Variants in CASQ2 observed in about 807,000 individuals in gnomAD.
CASQ2 encodes the protein calsequestrin-2.
Under a neutral mutation model 46.5 loss-of-function variants are expected in CASQ2, and 49 were observed. The observed-to-expected ratio is 1.05, with a 90% CI of 0.84 to 1.34. The LOEUF is 1.34. Ranked by LOEUF, CASQ2 falls within the 40% of genes most tolerant of loss-of-function variation. The pLI is 0.00. For synonymous variants in CASQ2, 174 were observed against 168.5 expected (o/e 1.03, Z -0.25); for missense variants, 486 against 481.3 (o/e 1.01, Z -0.09).
chr1:115,729,687 TC>T (rs1234572441), intron 5 of CASQ2, among the ~76,000 whole-genome samples: 8 of 152,242 alleles, frequency 5.3e-5, no homozygotes, highest in African/African-American at 1.7e-4. Flanking sequence ...AAATCATTTT[TC>T]CTCCAGTTAG....
chr1:115,720,058 A>G (rs1647314802), intron 7 of CASQ2, among the ~76,000 whole-genome samples: 1 of 152,186 alleles, frequency 6.6e-6, no homozygotes, highest in African/African-American at 2.4e-5. Context: ...ATGCTTGAAG[A>G]ATCAAAGTGT....
intron 7 of CASQ2, among the ~76,000 whole-genome samples, chr1:115,724,077 C>A (rs1402392973): frequency 6.6e-6 from 1 of 152,140 alleles, no homozygotes; most frequent in Admixed American, 6.6e-5. Flanking sequence ...TAAATACTTC[C>A]GTGTTAATTC....
At chr1:115,714,218 G>T (rs1654632409) in intron 8 of CASQ2, among the ~76,000 whole-genome samples, 1 of 152,110 alleles carries the variant, frequency 6.6e-6, no homozygotes, top group Non-Finnish European at 1.5e-5. Flanking sequence ...TTCCTCATGG[G>T]GTTCTTGTGT....
At chr1:115,759,788 C>CCAT (rs1648878233) in intron 1 of CASQ2, among the ~76,000 whole-genome samples, 1 of 152,222 alleles carries the variant, frequency 6.6e-6, no homozygotes, top group South Asian at 2.1e-4. Flanking sequence ...TATCCCACTT[C>CCAT]CATCTACCTT....
chr1:115,746,704 G>GT (rs904125624), intron 1 of CASQ2, among the ~76,000 whole-genome samples: 4 of 151,974 alleles, frequency 2.6e-5, no homozygotes, highest in African/African-American at 7.3e-5. Flanking sequence ...AATTTTGAGA[G>GT]TTTTTTTAAA....
chr1:115,766,908 T>C (rs982227037), intron 1 of CASQ2, among the ~76,000 whole-genome samples: 8 of 140,852 alleles, frequency 5.7e-5, no homozygotes, highest in African/African-American at 2.0e-4. Context: ...GATAGATAGA[T>C]AGATAGATAG....
At position 115,712,853 on chromosome 1, in the gene CASQ2, CAA is replaced by C. The variant is rs1349796492; in HGVS notation, c.838+4985_838+4986del. Among the ~76,000 whole-genome samples, 585 of 117,816 alleles carry C rather than the reference CAA, an allele frequency of 5.0e-3. 4 individuals carry two copies. The highest frequency in any genetic ancestry group is 0.018 in the African/African-American group (552 of 31,034). 77.3% of individuals were successfully genotyped at this position (117,816 alleles called of 152,430 possible). On this transcript the variant is annotated intron_variant, in intron 8 of 10. Transcript: ENST00000261448. Reference sequence around the variant, plus strand: ...CCTGAGCAATAGAGGGAGACTGCCTCAAAAAAAAAAAAAAAGAAAGAAAGAAA... The same window carrying C: ...CCTGAGCAATAGAGGGAGACTGCCTCAAAAAAAAAAAAAGAAAGAAAGAAA...
chr1:115,714,251 A>G (rs17561547), intron 8 of CASQ2, among the ~76,000 whole-genome samples: 8,672 of 152,258 alleles, frequency 0.057, 317 homozygotes, highest in Middle Eastern at 0.1. Flanking sequence ...ACAGTAAGTG[A>G]CAATCATCAT....
At chr1:115,735,231 A>G (rs969559115) in intron 4 of CASQ2, among the ~76,000 whole-genome samples, 2 of 152,244 alleles carry the variant, frequency 1.3e-5, no homozygotes, top group Admixed American at 1.3e-4. Context: ...TGACTCCAAT[A>G]ACATTCAAAC....
At chr1:115,738,120 A>C in intron 4 of CASQ2, 104 bp downstream of exon 4, 1 of 786,416 alleles carries the variant, frequency 1.3e-6, no homozygotes. Flanking sequence ...TATTCTACCC[A>C]GCAAAAGAGG....
intron 4 of CASQ2, among the ~76,000 whole-genome samples, chr1:115,733,391 C>T (rs1212015960): frequency 6.6e-6 from 1 of 152,188 alleles, no homozygotes; most frequent in African/African-American, 2.4e-5. Flanking sequence ...GAAGGAAATT[C>T]GTCTCACAGT....
intron 8 of CASQ2, among the ~76,000 whole-genome samples, chr1:115,708,257 A>C (rs955851071): frequency 3.3e-5 from 5 of 152,200 alleles, no homozygotes; most frequent in African/African-American, 1.2e-4. Context: ...GTCTATGGAG[A>C]AGCAAAGAAA....
chr1:115,757,327 A>G (rs2101116375), intron 1 of CASQ2, among the ~76,000 whole-genome samples: 1 of 152,318 alleles, frequency 6.6e-6, no homozygotes, highest in South Asian at 2.1e-4. Flanking sequence ...CTGCGATTTA[A>G]AAGTGAGCAC....
In CASQ2 at chr1:115,715,860, C is replaced by T. The variant is rs530433186; in HGVS notation, c.838+1980G>A. Among the ~76,000 whole-genome samples the T allele has an allele frequency of 1.3e-4, 20 of 152,206 alleles. 2 individuals carry two copies. The South Asian group carries it at 3.9e-3, about 30-fold the overall frequency. ...GTCATCTAACTCTCTAATCATCTGC[C>T]AGACAAATATTTATTGGGCGCCTAC... On this transcript the variant is annotated intron_variant, in intron 8 of 10. Transcript: ENST00000261448.
chr1:115,729,174 C>G (rs1049573141), intron 5 of CASQ2, among the ~76,000 whole-genome samples: 7 of 151,440 alleles, frequency 4.6e-5, no homozygotes, highest in Non-Finnish European at 8.8e-5. Flanking sequence ...CTCAGCCTCC[C>G]GAGTAGCTGG....
At chr1:115,744,935 G>A (rs1316316496) in intron 1 of CASQ2, 23 bp from the exon 2 acceptor site, 5 of 1,539,160 alleles carry the variant, frequency 3.2e-6, no homozygotes, top group Non-Finnish European at 4.5e-6. Context: ...ATGGAAAGAT[G>A]AGTGTGCTAA....
At chr1:115,767,473 C>T (rs1378371450) in intron 1 of CASQ2, among the ~76,000 whole-genome samples, 1 of 152,196 alleles carries the variant, frequency 6.6e-6, no homozygotes, top group African/African-American at 2.4e-5. Flanking sequence ...TCAAATATCC[C>T]TTTCACAGGT....
chr1:115,706,103 T>C (rs1654350350), intron 8 of CASQ2, among the ~76,000 whole-genome samples: 1 of 152,116 alleles, frequency 6.6e-6, no homozygotes, highest in Non-Finnish European at 1.5e-5. Context: ...ATAGTTTAGA[T>C]TCTGGAAGGT....
In CASQ2 at chr1:115,740,711, T is replaced by C. The variant is rs888168515; in HGVS notation, c.420+17A>G. ...GAGAGGCAGCTCCATGCAGGGTCAC[T>C]GTGTATAAATACTTACATCCAAGAG... On this transcript the variant is annotated intron_variant, in intron 3 of 10. Coordinates refer to ENST00000261448, the MANE Select transcript of CASQ2 (RefSeq NM_001232.4). The C allele has an allele frequency of 6.7e-6, 10 of 1,489,106 alleles. No individual in the cohort carries two copies. Among genetic ancestry groups the C allele is most frequent in the South Asian group, 2.3e-5 (2 of 88,870 alleles). 92.2% of individuals were successfully genotyped at this position (1,489,106 alleles called of 1,614,324 possible).
Sources: allele counts gnomAD v4.1 joint callset (sites outside exome capture counted in the v4.1 genomes callset), GRCh38; gene constraint gnomAD v4.1.1; transcripts MANE v1.5; gene names NCBI Gene and HGNC (gene_info 2026-07-23, HGNC 2026-07-21).